The following PEX5L variants were observed in gnomAD, a reference collection of about 807,000 sequenced individuals.
The protein encoded by PEX5L is PEX5-related protein.
A neutral mutation model predicts 84.0 loss-of-function variants in PEX5L; 30 were observed. That is an observed-to-expected ratio of 0.36 (90% CI 0.27 to 0.48). The LOEUF is 0.48. Among genes scored for constraint, PEX5L ranks in the 20% least tolerant of loss-of-function variants. PEX5L has a pLI of 0.99. For missense variants in PEX5L, 533 were observed against 754.6 expected (o/e 0.71, Z 3.44); for synonymous variants, 270 against 283.1 (o/e 0.95, Z 0.46).
rs1560112669 is a variant in PEX5L, at chr3:179,797,628, A to ATC, written c.*4199_*4200insGA. 2.8e-5 allele frequency: 4 copies of ATC among 144,660 alleles called. No individual in the cohort carries two copies. Among genetic ancestry groups the ATC allele is most frequent in the Admixed American group, 6.9e-5 (1 of 14,426 alleles). The allele number at this position is 144,660 out of a possible 1,614,324, so 9.0% of individuals were successfully genotyped here. The stretch of plus-strand genomic sequence containing the variant: ...AAAATATATATATATATATATATAT[A>ATC]TATCTACTTCTTAGTTCAAAACAGT... On this transcript the variant is annotated 3_prime_UTR_variant, in exon 15 of 15. Coordinates refer to ENST00000467460, the MANE Select transcript of PEX5L (RefSeq NM_016559.3).
At chr3:179,824,146 A>C (rs930515876) in intron 8 of PEX5L, among the ~76,000 whole-genome samples, 8 of 152,232 alleles carry the variant, frequency 5.3e-5, no homozygotes, top group African/African-American at 1.9e-4. Flanking sequence ...GCATATTATC[A>C]ATTCCAATTC....
At chr3:180,030,666 T>G (rs1439081629) in intron 1 of PEX5L, among the ~76,000 whole-genome samples, 1 of 152,172 alleles carries the variant, frequency 6.6e-6, no homozygotes, top group Admixed American at 6.5e-5. Context: ...ATTTTGTGAC[T>G]CCCTAGGTAG....
chr3:179,897,461 C>T (rs1759749356), intron 3 of PEX5L, among the ~76,000 whole-genome samples: 4 of 152,096 alleles, frequency 2.6e-5, no homozygotes, highest in Admixed American at 2.0e-4. Flanking sequence ...ACAGTCTCCA[C>T]ATGTCTTTGC....
chr3:179,993,984 G>C (rs1241754546), intron 1 of PEX5L, among the ~76,000 whole-genome samples: 1 of 152,022 alleles, frequency 6.6e-6, no homozygotes, highest in African/African-American at 2.4e-5. Flanking sequence ...GATACCAAAG[G>C]CTTACTATAT....
intron 2 of PEX5L, among the ~76,000 whole-genome samples, chr3:179,922,206 T>C (rs1227135077): frequency 6.6e-6 from 1 of 152,098 alleles, no homozygotes; most frequent in Non-Finnish European, 1.5e-5. Flanking sequence ...GCTGGGGGAA[T>C]GTGGCAAACA....
At chr3:179,900,637 C>T (rs1431222848) in intron 2 of PEX5L, 18 of 1,403,258 alleles carry the variant, frequency 1.3e-5, no homozygotes, top group Middle Eastern at 1.7e-4. Context: ...TAAATACATG[C>T]GGTGCTTTTT....
At chr3:179,888,675 A>G (rs1331171622) in intron 3 of PEX5L, among the ~76,000 whole-genome samples, 1 of 151,910 alleles carries the variant, frequency 6.6e-6, no homozygotes, top group Admixed American at 6.6e-5. Context: ...GGGAGCTTTT[A>G]TATTTGCCTT....
chr3:179,973,533 T>C lies in PEX5L; in HGVS notation c.22-1868A>G, dbSNP rs570999157. 1.0e-3 allele frequency: 986 copies of C among 961,816 alleles called. 1 individual carries two copies. Among genetic ancestry groups the C allele is most frequent in the Non-Finnish European group, 1.1e-3 (924 of 808,378 alleles). 59.6% of individuals were successfully genotyped at this position (961,816 alleles called of 1,614,324 possible). On this transcript the variant is annotated intron_variant, in intron 1 of 14. Transcript: ENST00000467460. Reference sequence around the variant, plus strand: ...TAAAAAATCTACCTATTTTAAATTATATAATTTTTGTATTTACTTCTCTGC... The same window carrying C: ...TAAAAAATCTACCTATTTTAAATTACATAATTTTTGTATTTACTTCTCTGC...
rs1716673211 is a variant in PEX5L, at chr3:179,795,746, T to A, written c.*6082A>T. The A allele has an allele frequency of 1.3e-5, 2 of 152,218 alleles. No homozygotes were observed. Among genetic ancestry groups the A allele is most frequent in the South Asian group, 4.1e-4 (2 of 4,826 alleles). 9.4% of individuals were successfully genotyped at this position (152,218 alleles called of 1,614,324 possible). A position where few individuals can be genotyped will look rare whatever the true frequency, so the allele number is the denominator to read the frequency against. ...TGAGGAGGAAGCATCACAGAAGAAT[T>A]GTCTCAAAACAACATTTTTAGATTA... On this transcript the variant is annotated 3_prime_UTR_variant, in exon 15 of 15. Transcript: ENST00000467460.
At chr3:179,900,224 A>G (rs1306334373) in intron 2 of PEX5L, among the ~76,000 whole-genome samples, 3 of 152,202 alleles carry the variant, frequency 2.0e-5, no homozygotes, top group African/African-American at 7.2e-5. Flanking sequence ...GTCATTTGTG[A>G]AGAATTCTTT....
chr3:179,918,693 G>C (rs1292157827), intron 2 of PEX5L, among the ~76,000 whole-genome samples: 1 of 152,162 alleles, frequency 6.6e-6, no homozygotes, highest in African/African-American at 2.4e-5. Flanking sequence ...AAAGAACCCA[G>C]TGCAGGAAGT....
chr3:179,875,706 G>C lies in PEX5L; in HGVS notation c.506-229C>G, dbSNP rs568849625. Among the ~76,000 whole-genome samples, 30 of 152,290 alleles carry C rather than the reference G, an allele frequency of 2.0e-4. No homozygotes were observed. The East Asian group carries it at 5.4e-3, about 27-fold the overall frequency. Reference sequence around the variant, plus strand: ...AAATTAAAACTTGTGCAGCTAAATAGAAATCTCCTGTTAAGATAAATTGCA... The same window carrying C: ...AAATTAAAACTTGTGCAGCTAAATACAAATCTCCTGTTAAGATAAATTGCA... On this transcript the variant is annotated intron_variant, in intron 5 of 14. Transcript: ENST00000467460.
chr3:179,960,217 C>G (rs1781672152), intron 2 of PEX5L, among the ~76,000 whole-genome samples: 1 of 152,176 alleles, frequency 6.6e-6, no homozygotes, highest in African/African-American at 2.4e-5. Context: ...TCTATATCCT[C>G]TACTTCTAGC....
chr3:179,921,559 A>G (rs1320017606), intron 2 of PEX5L: 2 of 152,144 alleles, frequency 1.3e-5, no homozygotes, highest in Non-Finnish European at 2.9e-5. Flanking sequence ...GTACTTTGCA[A>G]CCTACCAAGT....
rs1718676969 is a variant in PEX5L at position 179,800,909 on chromosome 3, T to G, written c.*919A>C. 1 of 152,352 alleles carries G rather than the reference T, an allele frequency of 6.6e-6. No individual in the cohort carries two copies. Among genetic ancestry groups the G allele is most frequent in the African/African-American group, 2.4e-5 (1 of 41,450 alleles). 9.4% of individuals were successfully genotyped at this position (152,352 alleles called of 1,614,324 possible). ...TCACGATACCATCAAACTTTCTTCC[T>G]GCAGAGAATGCATGAAGAGACAGTA... On this transcript the variant is annotated 3_prime_UTR_variant, in exon 15 of 15. Coordinates refer to ENST00000467460, the MANE Select transcript of PEX5L (RefSeq NM_016559.3).
chr3:179,958,778 A>C (rs1378211708), intron 2 of PEX5L, among the ~76,000 whole-genome samples: 1 of 152,192 alleles, frequency 6.6e-6, no homozygotes, highest in East Asian at 1.9e-4. Context: ...TAGGCCTAGA[A>C]AATCAAAATA....
rs1467506090 is a variant in PEX5L at position 179,880,116 on chromosome 3, G to A, written c.318C>T (p.Thr106=). The part of the protein sequence containing the change: ...RPVTSNTAVL[T]TGLDLLDLSE... ...TCAGGTCGAGGAGATCTAAGCCAGT[G>A]GTCAATACTACCAGAAATGGAAGAG... Residue 106 remains threonine, a synonymous_variant, in exon 5 of 15, where the codon ACC becomes ACT. Coordinates refer to ENST00000467460, the MANE Select transcript of PEX5L (RefSeq NM_016559.3). 6.3e-7 allele frequency: 1 copy of A among 1,595,418 alleles called. No individual in the cohort carries two copies. The highest frequency in any genetic ancestry group is 1.1e-5 in the South Asian group (1 of 88,436).
At chr3:179,861,908 G>A (rs1439546030) in intron 7 of PEX5L, among the ~76,000 whole-genome samples, 1 of 152,188 alleles carries the variant, frequency 6.6e-6, no homozygotes, top group African/African-American at 2.4e-5. Context: ...GATATCATGT[G>A]AGAGAATTTT....
chr3:179,977,515 C>T (rs775400973), intron 1 of PEX5L, among the ~76,000 whole-genome samples: 1 of 152,146 alleles, frequency 6.6e-6, no homozygotes, highest in Non-Finnish European at 1.5e-5. Context: ...AAAATATCCA[C>T]AGTGTCAACA....
Sources: gnomAD v4.1 joint callset for allele counts (sites outside exome capture counted in the v4.1 genomes callset) on GRCh38, gnomAD v4.1.1 for gene constraint, MANE v1.5 for transcripts, NCBI Gene and HGNC (gene_info 2026-07-23, HGNC 2026-07-21) for gene names.